The following CLSTN2 variants were observed in gnomAD, a reference collection of about 807,000 sequenced individuals.
CLSTN2 encodes calsyntenin 2, also known as calsyntenin-2.
Under a neutral mutation model 101.2 loss-of-function variants are expected in CLSTN2, and 48 were observed. The ratio of observed to expected loss-of-function variants is 0.47; its 90% CI spans 0.38 to 0.60. The LOEUF (loss-of-function observed/expected upper bound fraction) is 0.60, where lower values mean the gene tolerates loss of function less well. CLSTN2 is among the 20% of genes least tolerant of loss of function. The pLI, the probability that CLSTN2 is intolerant of heterozygous loss-of-function variation, is 0.00. For synonymous variants in CLSTN2, 481 were observed against 463.6 expected, an observed-to-expected ratio of 1.04 and a Z score of -0.48; for missense variants, 1,160 against 1,238.2, an observed-to-expected ratio of 0.94 and a Z score of 0.95.
intron 9 of CLSTN2, 46 bp downstream of exon 9, chr3:140,532,532 T>A: frequency 6.6e-7 from 1 of 1,519,494 alleles, no homozygotes; most frequent in Non-Finnish European, 8.9e-7. Flanking sequence ...TGTGAATAGT[T>A]CTTGGAAGAT....
At chr3:140,544,415 CA>C (rs1223707957) in intron 9 of CLSTN2, among the ~76,000 whole-genome samples, 1 of 152,124 alleles carries the variant, frequency 6.6e-6, no homozygotes, top group Non-Finnish European at 1.5e-5. Context: ...GCAAGAGGCC[CA>C]ACCCCACAAG....
intron 1 of CLSTN2, among the ~76,000 whole-genome samples, chr3:139,962,588 TA>T (rs1490837312): frequency 1.3e-5 from 2 of 152,148 alleles, no homozygotes; most frequent in African/African-American, 2.4e-5. Flanking sequence ...ATTTTGTAAT[TA>T]AAAAAAGTTC....
At chr3:140,046,412 C>T (rs2007881422) in intron 1 of CLSTN2, among the ~76,000 whole-genome samples, 3 of 152,180 alleles carry the variant, frequency 2.0e-5, no homozygotes, top group Non-Finnish European at 4.4e-5. Context: ...TGTGTCTCTG[C>T]ACGTGAGATG....
intron 1 of CLSTN2, among the ~76,000 whole-genome samples, chr3:140,147,129 A>G (rs2009792028): frequency 6.6e-6 from 1 of 152,348 alleles, no homozygotes; most frequent in Non-Finnish European, 1.5e-5. Flanking sequence ...ATAGATAGTA[A>G]CAAGGAAATA....
At chr3:140,004,001 C>T (rs2006905600) in intron 1 of CLSTN2, among the ~76,000 whole-genome samples, 1 of 152,128 alleles carries the variant, frequency 6.6e-6, no homozygotes, top group Non-Finnish European at 1.5e-5. Flanking sequence ...CTCGTCATTG[C>T]ATATAAAATG....
intron 9 of CLSTN2, among the ~76,000 whole-genome samples, chr3:140,543,489 G>A (rs1029192614): frequency 2.6e-5 from 4 of 152,160 alleles, no homozygotes; most frequent in African/African-American, 7.2e-5. Context: ...AGATGTTTTG[G>A]GTGGCAAGTA....
intron 2 of CLSTN2, among the ~76,000 whole-genome samples, chr3:140,341,359 G>A (rs1400654468): frequency 6.6e-6 from 1 of 152,182 alleles, no homozygotes; most frequent in Admixed American, 6.5e-5. Flanking sequence ...TGCTAAGTGT[G>A]CCTCTGACCT....
In CLSTN2 at chr3:140,566,449, T is replaced by G. The variant is rs557591632; in HGVS notation, c.*196T>G. 7 of 609,310 alleles carry G rather than the reference T, an allele frequency of 1.1e-5. No homozygotes were observed. In the South Asian group the frequency reaches 1.4e-4, roughly 12 times the overall value. The allele number at this position is 609,310 out of a possible 1,614,324, so 37.7% of individuals were successfully genotyped here. On this transcript the variant is annotated 3_prime_UTR_variant, in exon 17 of 17. Transcript: ENST00000458420. ...TGGGGAAGTTCCAAGAAGCCCAGCA[T>G]GGCCATCAGTGAGGACTTCAGGGTA...
chr3:140,563,403 C>T (rs1935959495), intron 15 of CLSTN2, among the ~76,000 whole-genome samples, 200 bp downstream of exon 15: 1 of 152,180 alleles, frequency 6.6e-6, no homozygotes, highest in Non-Finnish European at 1.5e-5. Context: ...AGAAATTACG[C>T]AACACACATA....
At chr3:140,407,852 C>T (rs1401190022) in intron 4 of CLSTN2, among the ~76,000 whole-genome samples, 1 of 152,202 alleles carries the variant, frequency 6.6e-6, no homozygotes, top group Non-Finnish European at 1.5e-5. Context: ...CAACCCAGGT[C>T]TCCTGAGTGT....
chr3:140,318,212 G>A (rs2087247397), intron 2 of CLSTN2, among the ~76,000 whole-genome samples: 1 of 152,144 alleles, frequency 6.6e-6, no homozygotes, highest in Non-Finnish European at 1.5e-5. Context: ...GTAAGCTAAG[G>A]TGCATTGGGC....
chr3:140,116,038 G>A (rs556278633), intron 1 of CLSTN2, among the ~76,000 whole-genome samples: 29 of 152,292 alleles, frequency 1.9e-4, no homozygotes, highest in Admixed American at 1.8e-3. Context: ...GTACATTGGT[G>A]CCTGATGTCA....
chr3:139,980,705 C>T (rs926607962), intron 1 of CLSTN2, among the ~76,000 whole-genome samples: 1 of 152,032 alleles, frequency 6.6e-6, no homozygotes, highest in Admixed American at 6.6e-5. Context: ...CATTTTGATC[C>T]CCTGATTTAT....
rs1985719797 is a variant in CLSTN2 at position 140,575,958 on chromosome 3, T to A, written c.*9705T>A. 1 of 152,216 alleles carries A rather than the reference T, an allele frequency of 6.6e-6. No individual in the cohort carries two copies. Among genetic ancestry groups the A allele is most frequent in the Non-Finnish European group, 1.5e-5 (1 of 68,028 alleles). 9.4% of individuals were successfully genotyped at this position (152,216 alleles called of 1,614,324 possible). A position where few individuals can be genotyped will look rare whatever the true frequency, so the allele number is the denominator to read the frequency against. ...TGGGATGTTACATGTTTTTTCACTGTTGTTGTTTACCGTTAGCTCTCAAAG... is the reference window on the plus strand; with the variant it reads ...TGGGATGTTACATGTTTTTTCACTGATGTTGTTTACCGTTAGCTCTCAAAG... On this transcript the variant is annotated 3_prime_UTR_variant, in exon 17 of 17. Coordinates refer to ENST00000458420, the MANE Select transcript of CLSTN2 (RefSeq NM_022131.3).
At chr3:140,147,669 A>T (rs1160754037) in intron 1 of CLSTN2, among the ~76,000 whole-genome samples, 1 of 152,148 alleles carries the variant, frequency 6.6e-6, no homozygotes, top group African/African-American at 2.4e-5. Flanking sequence ...CCAACACAGT[A>T]CTGAGTGCTT....
At chr3:139,942,061 C>G (rs559625605) in intron 1 of CLSTN2, among the ~76,000 whole-genome samples, 2 of 152,296 alleles carry the variant, frequency 1.3e-5, no homozygotes, top group East Asian at 3.9e-4. Context: ...ATGGGTTCCC[C>G]TCTTCACACA....
intron 1 of CLSTN2, among the ~76,000 whole-genome samples, chr3:140,136,297 C>G (rs2009614939): frequency 6.6e-6 from 1 of 152,148 alleles, no homozygotes; most frequent in Non-Finnish European, 1.5e-5. Flanking sequence ...TAAAATTAGG[C>G]AAACTTAACT....
chr3:140,225,922 A>G (rs1168180587), intron 2 of CLSTN2, among the ~76,000 whole-genome samples: 7 of 151,472 alleles, frequency 4.6e-5, no homozygotes, highest in Admixed American at 3.9e-4. Flanking sequence ...TTTTTTAAAA[A>G]AAAAAGGACT....
intron 10 of CLSTN2, among the ~76,000 whole-genome samples, chr3:140,553,978 G>C (rs1935754517): frequency 6.7e-6 from 1 of 149,470 alleles, no homozygotes; most frequent in Non-Finnish European, 1.5e-5. Context: ...GTAGGCTCGA[G>C]AGCCTTCACT....
Sources: gnomAD v4.1 joint callset for allele counts (sites outside exome capture counted in the v4.1 genomes callset) on GRCh38, gnomAD v4.1.1 for gene constraint, MANE v1.5 for transcripts, NCBI Gene and HGNC (gene_info 2026-07-23, HGNC 2026-07-21) for gene names.